Variants in TTLL7 observed in about 807,000 individuals in gnomAD.
TTLL7 encodes tubulin polyglutamylase TTLL7.
A neutral mutation model predicts 120.2 loss-of-function variants in TTLL7; 53 were observed. That is an observed-to-expected ratio of 0.44 (90% CI 0.35 to 0.55). The LOEUF (loss-of-function observed/expected upper bound fraction) is 0.55, where lower values mean the gene tolerates loss of function less well. Among genes scored for constraint, TTLL7 ranks in the 20% least tolerant of loss-of-function variants. TTLL7 has a pLI of 0.00. For synonymous variants in TTLL7, 353 were observed against 351.7 expected (o/e 1.00, Z -0.04); for missense variants, 803 against 1,054.7 (o/e 0.76, Z 3.31).
chr1:83,958,219 TAAAGA>T (rs1486995801), intron 1 of TTLL7, among the ~76,000 whole-genome samples: 1 of 152,192 alleles, frequency 6.6e-6, no homozygotes, highest in Non-Finnish European at 1.5e-5. Context: ...GATAATCGTT[TAAAGA>T]AAAGAGATAT....
At chr1:83,900,233 C>G (rs922835749) in intron 18 of TTLL7, 1 of 404,852 alleles carries the variant, frequency 2.5e-6, no homozygotes, top group East Asian at 7.8e-5. Flanking sequence ...AGCTAGCTTG[C>G]TACTGAGTCT....
intron 7 of TTLL7, among the ~76,000 whole-genome samples, chr1:83,941,959 T>C (rs908782948): frequency 2.6e-5 from 4 of 152,140 alleles, no homozygotes; most frequent in African/African-American, 9.7e-5. Context: ...CAACAGAAAT[T>C]AATAACTACT....
chr1:83,969,484 C>T (rs1224884641), intron 1 of TTLL7, among the ~76,000 whole-genome samples: 1 of 151,882 alleles, frequency 6.6e-6, no homozygotes, highest in Admixed American at 6.6e-5. Context: ...AAACTCAAAG[C>T]AATTTATTAG....
At chr1:83,991,490 A>C (rs1483546683) in intron 1 of TTLL7, among the ~76,000 whole-genome samples, 1 of 152,072 alleles carries the variant, frequency 6.6e-6, no homozygotes, top group African/African-American at 2.4e-5. Context: ...TACGAAAAAT[A>C]TAAAAATTAG....
intron 18 of TTLL7, among the ~76,000 whole-genome samples, chr1:83,898,719 G>GA (rs943740845): frequency 6.6e-6 from 1 of 151,530 alleles, no homozygotes; most frequent in African/African-American, 2.4e-5. Flanking sequence ...AAGAGGTGGA[G>GA]AAAAAAATTA....
rs1653027367 is a variant in TTLL7, at chr1:83,867,919, C to T, written c.*2043G>A. 6.6e-6 allele frequency: 1 copy of T among 152,054 alleles called. No homozygotes were observed. The highest frequency in any genetic ancestry group is 6.6e-5 in the Admixed American group (1 of 15,256). The allele number at this position is 152,054 out of a possible 1,614,324, so 9.4% of individuals were successfully genotyped here. A position where few individuals can be genotyped will look rare whatever the true frequency, so the allele number is the denominator to read the frequency against. On this transcript the variant is annotated 3_prime_UTR_variant, in exon 21 of 21. Transcript: ENST00000260505. ...AATGGAGTCATAAACAGTGTAGTCACTGTAATTTCCTTCATTCTGATACCC... is the reference window on the plus strand; with the variant it reads ...AATGGAGTCATAAACAGTGTAGTCATTGTAATTTCCTTCATTCTGATACCC...
At position 83,869,927 on chromosome 1, in the gene TTLL7, G is replaced by A. The variant is rs369730672; in HGVS notation, c.*35C>T. ...CTTCAGAGGAAAAAAATGAATTGCT[G>A]TTATGTATAACCAATGGCGATCTTC... On this transcript the variant is annotated 3_prime_UTR_variant, in exon 21 of 21. Transcript: ENST00000260505. 67 of 1,588,076 alleles carry A rather than the reference G, an allele frequency of 4.2e-5. No homozygotes were observed. Among genetic ancestry groups the A allele is most frequent in the East Asian group, 4.1e-4 (18 of 44,046 alleles).
chr1:83,895,579 C>G (rs370679321), intron 18 of TTLL7, among the ~76,000 whole-genome samples: 13 of 151,962 alleles, frequency 8.6e-5, no homozygotes, highest in Admixed American at 4.6e-4. Flanking sequence ...TCATTGTCAC[C>G]AAATGAATTC....
chr1:83,889,500 C>A (rs1019571093), intron 19 of TTLL7, among the ~76,000 whole-genome samples: 7 of 152,030 alleles, frequency 4.6e-5, no homozygotes, highest in African/African-American at 1.7e-4. Context: ...AATCCCAGTT[C>A]CACTAGGTCC....
At chr1:83,960,990 T>C (rs1649966172) in intron 1 of TTLL7, among the ~76,000 whole-genome samples, 1 of 152,138 alleles carries the variant, frequency 6.6e-6, no homozygotes, top group African/African-American at 2.4e-5. Flanking sequence ...GAAAGAACCA[T>C]TTGATCAACT....
At chr1:83,965,661 C>T in intron 1 of TTLL7, among the ~76,000 whole-genome samples, 1 of 152,214 alleles carries the variant, frequency 6.6e-6, no homozygotes, top group Non-Finnish European at 1.5e-5. Flanking sequence ...CTTCTTTAAA[C>T]AACTAAAATA....
rs180878539 is a variant in TTLL7 at position 83,865,035 on chromosome 1, G to A, written c.*4927C>T. On this transcript the variant is annotated 3_prime_UTR_variant, in exon 21 of 21. Coordinates refer to ENST00000260505, the MANE Select transcript of TTLL7 (RefSeq NM_024686.6). ...TTGATGACATATTGTAGCTTTCTTA[G>A]GTTAAACTTTTTTATTATAGTAATG... The A allele has an allele frequency of 4.0e-5, 6 of 149,142 alleles. No homozygotes were observed. Among genetic ancestry groups the A allele is most frequent in the Admixed American group, 1.3e-4 (2 of 14,826 alleles). The allele number at this position is 149,142 out of a possible 1,614,324, so 9.2% of individuals were successfully genotyped here. A position where few individuals can be genotyped will look rare whatever the true frequency, so the allele number is the denominator to read the frequency against.
chr1:83,871,516 C>T (rs1182521157), intron 20 of TTLL7, among the ~76,000 whole-genome samples: 1 of 152,112 alleles, frequency 6.6e-6, no homozygotes, highest in Non-Finnish European at 1.5e-5. Context: ...GCAGAAGCAG[C>T]AATATACAGA....
chr1:83,919,452 C>A (rs564560014), intron 13 of TTLL7, among the ~76,000 whole-genome samples: 2 of 151,984 alleles, frequency 1.3e-5, no homozygotes, highest in African/African-American at 4.8e-5. Flanking sequence ...TAAGAAGATA[C>A]GTTATTATAA....
chr1:83,919,910 C>A, intron 12 of TTLL7, 76 bp from the exon 13 acceptor site: 1 of 1,399,368 alleles, frequency 7.1e-7, no homozygotes, highest in Non-Finnish European at 9.9e-7. Context: ...ACTCCATAGA[C>A]AATCCTTGAC....
chr1:83,997,979 G>A (rs1025524752), intron 1 of TTLL7, among the ~76,000 whole-genome samples: 6 of 152,088 alleles, frequency 3.9e-5, no homozygotes, highest in Admixed American at 3.9e-4. Context: ...CTTTCATATT[G>A]AAGGAGCAAT....
At chr1:83,993,861 A>G (rs529958018) in intron 1 of TTLL7, among the ~76,000 whole-genome samples, 1 of 152,368 alleles carries the variant, frequency 6.6e-6, no homozygotes, top group South Asian at 2.1e-4. Flanking sequence ...AAGTGTGTTA[A>G]CAGATAAATG....
rs1345079635 is a variant in TTLL7, at chr1:83,904,157, G to A, written c.2130C>T (p.Ile710=). 2 of 1,610,082 alleles carry A rather than the reference G, an allele frequency of 1.2e-6. No individual in the cohort carries two copies. Among genetic ancestry groups the A allele is most frequent in the Non-Finnish European group, 1.7e-6 (2 of 1,177,750 alleles). The change falls in exon 18 of 21, where the codon ATC becomes ATT. Residue 710 remains isoleucine (I), a splice_region_variant and synonymous_variant. Coordinates refer to ENST00000260505, the MANE Select transcript of TTLL7 (RefSeq NM_024686.6). ...DAESELLIED[I]IDNWKYHKTK... ...TTTTATGATACTTCCAGTTATCAAT[G>A]ATCTGTTTGGAAGGAGGAACATTAA...
chr1:83,939,105 C>T (rs893951471), intron 7 of TTLL7, among the ~76,000 whole-genome samples: 7 of 152,174 alleles, frequency 4.6e-5, no homozygotes, highest in Admixed American at 2.6e-4. Context: ...CAGCAATCTC[C>T]GCTGGGCACT....
Sources: allele counts gnomAD v4.1 joint callset (sites outside exome capture counted in the v4.1 genomes callset), GRCh38; gene constraint gnomAD v4.1.1; transcripts MANE v1.5; gene names NCBI Gene and HGNC (gene_info 2026-07-23, HGNC 2026-07-21).